The following LARGE1 variants were observed in gnomAD, a reference collection of about 807,000 sequenced individuals.
LARGE1 encodes LARGE xylosyl- and glucuronyltransferase 1.
In LARGE1, 43 loss-of-function variants were observed where a neutral mutation model predicts 87.6. That is an observed-to-expected ratio of 0.49 (90% CI 0.38 to 0.63). The LOEUF is 0.63. Among genes scored for constraint, LARGE1 ranks in the 30% least tolerant of loss-of-function variants. The pLI is 0.00. For synonymous variants in LARGE1, 434 were observed against 394.6 expected (o/e 1.10, Z -1.18); for missense variants, 802 against 1,000.2 (o/e 0.80, Z 2.67).
chr22:33,099,352 T>TAAGCGATTCTCTGGCCTC, the LARGE1 span, among the ~76,000 whole-genome samples: 3 of 152,058 alleles, frequency 2.0e-5, no homozygotes, highest in Non-Finnish European at 1.5e-5. Context: ...CTCCTGGGTT[T>TAAGCGATTCTCTGGCCTC]AAGCGATTCT....
At chr22:33,590,728 T>C (rs2078812238) in intron 5 of LARGE1, among the ~76,000 whole-genome samples, 1 of 152,218 alleles carries the variant, frequency 6.6e-6, no homozygotes, top group Admixed American at 6.5e-5. Context: ...TCCTTCCCAC[T>C]GCTGAGACAT....
intron 2 of LARGE1, among the ~76,000 whole-genome samples, chr22:33,684,382 T>C (rs1334941488): frequency 6.6e-6 from 1 of 151,956 alleles, no homozygotes; most frequent in Non-Finnish European, 1.5e-5. Flanking sequence ...ATGTGATTTA[T>C]ACCCTTCGCA....
At chr22:33,714,336 A>G (rs767726540) in intron 2 of LARGE1, among the ~76,000 whole-genome samples, 39 of 152,210 alleles carry the variant, frequency 2.6e-4, no homozygotes, top group Non-Finnish European at 5.4e-4. Context: ...AGAGGCAGAT[A>G]AGGCTGGTTC....
intron 6 of LARGE1, among the ~76,000 whole-genome samples, chr22:33,529,902 A>G (rs1247600267): frequency 6.6e-6 from 1 of 152,172 alleles, no homozygotes; most frequent in Non-Finnish European, 1.5e-5. Flanking sequence ...AGCTAACAGA[A>G]CCATGTGTTT....
At chr22:33,141,698 C>G in the LARGE1 span, among the ~76,000 whole-genome samples, 3 of 152,088 alleles carry the variant, frequency 2.0e-5, no homozygotes, top group Non-Finnish European at 2.9e-5. Flanking sequence ...AAGACAAGCA[C>G]CCACTCTACA....
chr22:33,820,500 A>C (rs718819), intron 1 of LARGE1, among the ~76,000 whole-genome samples: 1 of 151,536 alleles, frequency 6.6e-6, no homozygotes, highest in African/African-American at 2.4e-5. Context: ...TTTTTATTTT[A>C]AGTAGAGATG....
chr22:33,877,295 G>A (rs924955711), intron 1 of LARGE1, among the ~76,000 whole-genome samples: 11 of 152,108 alleles, frequency 7.2e-5, no homozygotes, highest in African/African-American at 1.7e-4. Context: ...ACCCTGTTGC[G>A]AGGTTCAGTC....
chr22:33,078,444 A>G, the LARGE1 span, among the ~76,000 whole-genome samples: 1 of 152,224 alleles, frequency 6.6e-6, no homozygotes, highest in South Asian at 2.1e-4. Flanking sequence ...AATTTAATCC[A>G]TGTAATAATC....
At chr22:33,618,834 C>G (rs1318656949) in intron 4 of LARGE1, among the ~76,000 whole-genome samples, 1 of 152,190 alleles carries the variant, frequency 6.6e-6, no homozygotes, top group African/African-American at 2.4e-5. Flanking sequence ...GGTGTGATTT[C>G]CCCTAATTAA....
intron 2 of LARGE1, among the ~76,000 whole-genome samples, chr22:33,685,520 G>T (rs912178573): frequency 6.6e-6 from 1 of 152,180 alleles, no homozygotes; most frequent in Non-Finnish European, 1.5e-5. Flanking sequence ...ATCAACTGTG[G>T]TTTTGTTAAA....
At chr22:33,505,962 G>A (rs1286937076) in intron 6 of LARGE1, among the ~76,000 whole-genome samples, 1 of 152,090 alleles carries the variant, frequency 6.6e-6, no homozygotes, top group African/African-American at 2.4e-5. Flanking sequence ...GCCAATCCCT[G>A]ACACCCCAGA....
At chr22:33,672,962 C>T (rs1038204392) in intron 2 of LARGE1, among the ~76,000 whole-genome samples, 1 of 152,096 alleles carries the variant, frequency 6.6e-6, no homozygotes, top group Non-Finnish European at 1.5e-5. Flanking sequence ...ACAGGGTGCT[C>T]TGAGAGATTG....
intron 2 of LARGE1, among the ~76,000 whole-genome samples, chr22:33,752,439 C>A (rs985924329): frequency 1.3e-5 from 2 of 152,128 alleles, no homozygotes; most frequent in Non-Finnish European, 2.9e-5. Flanking sequence ...AAACCTGCAA[C>A]AAAGAGCAGA....
intron 2 of LARGE1, among the ~76,000 whole-genome samples, chr22:33,702,672 T>A (rs911214073): frequency 6.6e-6 from 1 of 152,168 alleles, no homozygotes; most frequent in African/African-American, 2.4e-5. Context: ...GATGCCTCTA[T>A]GGTGTGAGAT....
intron 9 of LARGE1, among the ~76,000 whole-genome samples, chr22:33,374,029 C>T (rs2064914105): frequency 6.7e-6 from 1 of 149,564 alleles, no homozygotes; most frequent in African/African-American, 2.5e-5. Flanking sequence ...GCAATGTCTT[C>T]CACCAGTATA....
At chr22:33,823,280 A>T (rs1909645000) in intron 1 of LARGE1, among the ~76,000 whole-genome samples, 1 of 152,336 alleles carries the variant, frequency 6.6e-6, no homozygotes, top group Admixed American at 6.5e-5. Flanking sequence ...GTATGTACAC[A>T]TGTATAAATG....
intron 11 of LARGE1, among the ~76,000 whole-genome samples, chr22:33,310,166 A>T (rs769759463): frequency 2.6e-4 from 40 of 152,202 alleles, no homozygotes; most frequent in Non-Finnish European, 2.5e-4. Flanking sequence ...GCTCCCATGC[A>T]ATGCTGTGTT....
chr22:33,071,099 C>T, the LARGE1 span, among the ~76,000 whole-genome samples: 2 of 152,206 alleles, frequency 1.3e-5, no homozygotes, highest in Non-Finnish European at 2.9e-5. Context: ...TGGAGATTTG[C>T]AAGACATGTT....
the LARGE1 span, among the ~76,000 whole-genome samples, chr22:33,101,375 G>A: frequency 1.6e-4 from 25 of 152,220 alleles, no homozygotes; most frequent in Middle Eastern, 3.4e-3. Flanking sequence ...ATCAAAACAG[G>A]GAAAATAATA....
Sources: allele counts gnomAD v4.1 joint callset (sites outside exome capture counted in the v4.1 genomes callset), GRCh38; gene constraint gnomAD v4.1.1; transcripts MANE v1.5; gene names NCBI Gene and HGNC (gene_info 2026-07-23, HGNC 2026-07-21).